Variants in MYO15A observed in about 807,000 individuals in gnomAD.
MYO15A encodes unconventional myosin-XV.
Under a neutral mutation model 394.6 loss-of-function variants are expected in MYO15A, and 308 were observed. That is an observed-to-expected ratio of 0.78 (90% CI 0.71 to 0.86). The LOEUF is 0.86. MYO15A is among the 40% of genes least tolerant of loss of function. MYO15A has a pLI of 0.00. For missense variants in MYO15A, 4,606 were observed against 4,799.1 expected, an observed-to-expected ratio of 0.96 and a Z score of 1.19; for synonymous variants, 1,957 against 2,003.8, an observed-to-expected ratio of 0.98 and a Z score of 0.62.
In MYO15A at chr17:18,162,600, G is replaced by A. The variant is rs1442549853; in HGVS notation, c.9533G>A (p.Cys3178Tyr). 1 of 1,614,036 alleles carries A rather than the reference G, an allele frequency of 6.2e-7. No individual in the cohort carries two copies. The highest frequency in any genetic ancestry group is 8.5e-7 in the Non-Finnish European group (1 of 1,179,982). The change falls in exon 58 of 66, where the codon TGC becomes TAC. Residue 3178 changes from cysteine (C) to tyrosine (Y), a missense_variant. Cys to Tyr is a radical substitution (Grantham distance 194). This residue lies in a region of MYO15A where 2,776 missense variants were observed against 3,109.3 expected (regional missense o/e 0.89). Transcript: ENST00000647165. ...GCTTCTGCAGGGATCGCCAAGGCCT[G>A]CGAGCAGAACCTGCAGAAAACCTTG... ...GLPFQGIAKA[C>Y]EQNLQKTLRF...
At position 18,150,844 on chromosome 17, in the gene MYO15A, G is replaced by A; in HGVS notation, c.7404G>A (p.Glu2468=). The A allele has an allele frequency of 6.3e-7, 1 of 1,595,224 alleles. No homozygotes were observed. Among genetic ancestry groups the A allele is most frequent in the Non-Finnish European group, 8.5e-7 (1 of 1,171,032 alleles). ...CTGCCACCTCTCCCCAGGCCCGGGA[G>A]ATGACCCTGCAGGCCACGGCACTCC... ...IHKQAVLLAR[E]MTLQATALQQ... Residue 2468 remains glutamate, a synonymous_variant, in exon 38 of 66, where the codon GAG becomes GAA. Transcript: ENST00000647165. The surrounding 1 kb of genome is among the most constrained non-coding windows in gnomAD (Gnocchi z 4.4).
At position 18,120,361 on chromosome 17, in the gene MYO15A, C is replaced by T. The variant is rs1395423278; in HGVS notation, c.1561C>T (p.Pro521Ser). Residue 521 changes from proline (P) to serine (S), a missense_variant, in exon 2 of 66, where the codon CCG becomes TCG. Coordinates refer to ENST00000647165, the MANE Select transcript of MYO15A (RefSeq NM_016239.4). ...AGAAGAGGACGAGGAGGAGCTGCCC[C>T]CGGTTTCCGCTGTGCCCTACGGCCA... ...DEEEDEEELP[P>S]VSAVPYGHPF... 3.1e-6 allele frequency: 5 copies of T among 1,612,032 alleles called. No individual in the cohort carries two copies. Among genetic ancestry groups the T allele is most frequent in the Admixed American group, 1.7e-5 (1 of 59,984 alleles).
chr17:18,167,065 A>T (rs766096772), intron 61 of MYO15A, among the ~76,000 whole-genome samples: 20 of 152,234 alleles, frequency 1.3e-4, no homozygotes, highest in Middle Eastern at 3.2e-3. Context: ...AATTGTACAC[A>T]ATATGGTCAC....
In MYO15A at chr17:18,157,328, T is replaced by C. The variant is rs878985719; in HGVS notation, c.8788+98T>C. 58 of 1,488,156 alleles carry C rather than the reference T, an allele frequency of 3.9e-5. 1 individual carries two copies. In the South Asian group the frequency reaches 6.4e-4, roughly 16 times the overall value. The allele number at this position is 1,488,156 out of a possible 1,614,324, so 92.2% of individuals were successfully genotyped here. A position where few individuals can be genotyped will look rare whatever the true frequency, so the allele number is the denominator to read the frequency against. ...GTGAGGGTTTCTTGGTGCCCGAAAG[T>C]GGCCTGGGCTGGTCAGGTCTCCTAA... is the stretch of plus-strand genomic sequence containing the variant. On this transcript the variant is annotated intron_variant, in intron 50 of 65. Transcript: ENST00000647165.
intron 13 of MYO15A, 64 bp downstream of exon 13, chr17:18,135,888 GT>G: frequency 1.4e-6 from 2 of 1,465,658 alleles, no homozygotes; most frequent in Non-Finnish European, 1.9e-6. Flanking sequence ...AGAGCTGCTT[GT>G]GCCGATCCTT....
At chr17:18,109,342 C>G (rs986032774) in intron 1 of MYO15A, 2 of 155,754 alleles carry the variant, frequency 1.3e-5, no homozygotes, top group Non-Finnish European at 2.9e-5. Flanking sequence ...CACTGGGCCA[C>G]AAGTTCCTCA....
At position 18,118,656 on chromosome 17, in the gene MYO15A, C is replaced by A; in HGVS notation, c.-145C>A. On this transcript the variant is annotated 5_prime_UTR_variant, in exon 2 of 66. Transcript: ENST00000647165. ...CGGAATCCTGGCTCGGCCCTCCCCA[C>A]GCCACCCAGGGCCAGTCGGGTCTGC... 3.9e-6 allele frequency: 5 copies of A among 1,291,106 alleles called. No homozygotes were observed. Among genetic ancestry groups the A allele is most frequent in the Admixed American group, 2.4e-5 (1 of 41,170 alleles). 80.0% of individuals were successfully genotyped at this position (1,291,106 alleles called of 1,614,324 possible). A position where few individuals can be genotyped will look rare whatever the true frequency, so the allele number is the denominator to read the frequency against.
chr17:18,151,984 G>T, intron 41 of MYO15A, 33 bp downstream of exon 41: 1 of 1,548,362 alleles, frequency 6.5e-7, no homozygotes, highest in Non-Finnish European at 8.7e-7. Flanking sequence ...AGCCCAGGTG[G>T]AACAGAAGAC....
At chr17:18,175,119 A>G (rs1438620498) in intron 65 of MYO15A, among the ~76,000 whole-genome samples, 3 of 130,060 alleles carry the variant, frequency 2.3e-5, no homozygotes, top group African/African-American at 8.9e-5. Context: ...GGGTCTTGCT[A>G]TGTTGCCCAG....
At chr17:18,166,857 G>A (rs1208296274) in intron 61 of MYO15A, among the ~76,000 whole-genome samples, 2 of 152,148 alleles carry the variant, frequency 1.3e-5, no homozygotes, top group Non-Finnish European at 2.9e-5. Flanking sequence ...ACATGGGCCT[G>A]TCCTTTGCTC....
chr17:18,136,335 T>G, intron 13 of MYO15A, 82 bp from the exon 14 acceptor site: 1 of 1,542,584 alleles, frequency 6.5e-7, no homozygotes. Context: ...TTCTCCATGA[T>G]CCCACTCCCT....
chr17:18,164,889 C>T (rs1251246639), intron 60 of MYO15A: 1 of 146,000 alleles, frequency 6.8e-6, no homozygotes, highest in Non-Finnish European at 1.5e-5. Flanking sequence ...CCTTTAATCC[C>T]AGCACTCTGA....
intron 44 of MYO15A, 35 bp downstream of exon 44, chr17:18,154,225 C>T: frequency 1.2e-6 from 2 of 1,610,450 alleles, no homozygotes; most frequent in Non-Finnish European, 1.7e-6. Context: ...CCTCAGTGAA[C>T]TCAGCAGGGC....
At position 18,153,444 on chromosome 17, in the gene MYO15A, C is replaced by CCCA. The variant is rs2046617957; in HGVS notation, c.7967-330_7967-328dup. 6.2e-6 allele frequency: 1 copy of CCCA among 161,760 alleles called. No individual in the cohort carries two copies. Among genetic ancestry groups the CCCA allele is most frequent in the South Asian group, 1.7e-4 (1 of 5,962 alleles). The allele number at this position is 161,760 out of a possible 1,614,324, so 10.0% of individuals were successfully genotyped here. On this transcript the variant is annotated intron_variant, in intron 42 of 65. Transcript: ENST00000647165. This position sits in a 1 kb window ranked among gnomAD's most constrained non-coding sequence, Gnocchi z 4.1. ...GGGCGCAGTAGCTCATGCCTGTAAT[C>CCCA]CCAGCACTTTGGGAGGCCGAGGCGG...
At chr17:18,152,024 C>G in intron 41 of MYO15A, 73 bp downstream of exon 41, 1 of 1,538,824 alleles carries the variant, frequency 6.5e-7, no homozygotes, top group Non-Finnish European at 8.8e-7. Flanking sequence ...CCTCAGAAAC[C>G]AGCTACCCCT....
At chr17:18,136,371 C>T (rs1465378259) in intron 13 of MYO15A, 46 bp from the exon 14 acceptor site, 5 of 1,611,196 alleles carry the variant, frequency 3.1e-6, no homozygotes, top group Non-Finnish European at 3.4e-6. Context: ...TTTCCGGAGG[C>T]AGAGTGGCCA....
At chr17:18,128,785 G>A (rs1028342009) in intron 7 of MYO15A, among the ~76,000 whole-genome samples, 1 of 152,168 alleles carries the variant, frequency 6.6e-6, no homozygotes, top group African/African-American at 2.4e-5. Flanking sequence ...CCTAAGAAGG[G>A]AGGAGTGAGG....
rs1429406040 is a variant in MYO15A, at chr17:18,121,351, C to G, written c.2551C>G (p.Leu851Val). Residue 851 changes from leucine to valine, a missense_variant, in exon 2 of 66, where the codon CTG (leucine) becomes GTG (valine). Leu to Val is a conservative substitution (Grantham distance 32). This residue lies in a region of MYO15A where 1,830 missense variants were observed against 1,689.7 expected (regional missense o/e 1.08). Coordinates refer to ENST00000647165, the MANE Select transcript of MYO15A (RefSeq NM_016239.4). The surrounding 1 kb of genome is among the most constrained non-coding windows in gnomAD (Gnocchi z 5.3). ...PGSPRPPSPPLGLCHSPRRSS... is the reference protein window; with the variant it reads ...PGSPRPPSPPVGLCHSPRRSS... ...CTCACCCAGGCCGCCCTCGCCGCCC[C>G]TGGGGCTCTGCCACAGCCCGCGGCG... 2.1e-6 allele frequency: 3 copies of G among 1,456,496 alleles called. No individual in the cohort carries two copies. The highest frequency in any genetic ancestry group is 2.9e-5 in the East Asian group (1 of 34,860). 90.2% of individuals were successfully genotyped at this position (1,456,496 alleles called of 1,614,324 possible). A position where few individuals can be genotyped will look rare whatever the true frequency, so the allele number is the denominator to read the frequency against.
chr17:18,135,715 A>G lies in MYO15A; in HGVS notation c.4487A>G (p.Asp1496Gly). The change falls in exon 13 of 66, where the codon GAT becomes GGT. Residue 1496 changes from aspartate to glycine, a missense_variant. Physicochemically the swap from Asp to Gly is moderately conservative, Grantham distance 94. Coordinates refer to ENST00000647165, the MANE Select transcript of MYO15A (RefSeq NM_016239.4). ...GNVYFEKYET[D>G]AQEVASVVSA... ...TCCTGTTGGTATTTTGCATAGACGGATGCACAGGAGGTGGCCTCAGTGGTG... is the reference window on the plus strand; with the variant it reads ...TCCTGTTGGTATTTTGCATAGACGGGTGCACAGGAGGTGGCCTCAGTGGTG... 6.2e-7 allele frequency: 1 copy of G among 1,614,066 alleles called. No homozygotes were observed. The highest frequency in any genetic ancestry group is 8.5e-7 in the Non-Finnish European group (1 of 1,179,954).
Sources: gnomAD v4.1 joint callset for allele counts (sites outside exome capture counted in the v4.1 genomes callset) on GRCh38, gnomAD v4.1.1 for gene constraint, gnomAD v4.1.1 regional missense constraint, Gnocchi (gnomAD v3.1) non-coding constraint, MANE v1.5 for transcripts, NCBI Gene and HGNC (gene_info 2026-07-23, HGNC 2026-07-21) for gene names.